Variants in CRACDL observed in about 807,000 individuals in gnomAD.
CRACDL encodes CRACD like, also known as CRACD-like protein.
CRACDL carries 26 observed loss-of-function variants against 70.6 expected under a neutral mutation model. That is an observed-to-expected ratio of 0.37 (90% CI 0.27 to 0.51). CRACDL has a LOEUF of 0.51. Ranked by LOEUF, CRACDL falls within the 20% of genes least tolerant of loss-of-function variation. The probability of loss-of-function intolerance (pLI) is 0.94; values close to 1 mark genes in which losing one functional copy is unlikely to be tolerated. For synonymous variants in CRACDL, 618 were observed against 615.2 expected (o/e 1.00, Z -0.07); for missense variants, 1,283 against 1,376.9 (o/e 0.93, Z 1.08).
chr2:98,906,610 G>A (rs901426804), intron 1 of CRACDL, among the ~76,000 whole-genome samples: 1 of 152,098 alleles, frequency 6.6e-6, no homozygotes, highest in Non-Finnish European at 1.5e-5. Flanking sequence ...TCTAGCTTGG[G>A]AATTACCATT....
At chr2:98,880,007 G>C (rs576568017) in intron 1 of CRACDL, among the ~76,000 whole-genome samples, 1 of 152,386 alleles carries the variant, frequency 6.6e-6, no homozygotes, top group South Asian at 2.1e-4. Flanking sequence ...CAGTTAGACT[G>C]TAAAGTGCGT....
At chr2:98,906,299 G>A (rs1174189327) in intron 1 of CRACDL, among the ~76,000 whole-genome samples, 4 of 136,870 alleles carry the variant, frequency 2.9e-5, no homozygotes, top group Non-Finnish European at 4.6e-5. Context: ...GTTTCGCTCT[G>A]TCATCAGGCT....
At chr2:98,905,639 T>G (rs1313001017) in intron 1 of CRACDL, among the ~76,000 whole-genome samples, 1 of 151,558 alleles carries the variant, frequency 6.6e-6, no homozygotes, top group Non-Finnish European at 1.5e-5. Context: ...TTTTTTTTTT[T>G]TTTTTTTGAG....
chr2:98,923,333 T>G (rs1708846990), intron 1 of CRACDL, among the ~76,000 whole-genome samples: 1 of 152,046 alleles, frequency 6.6e-6, no homozygotes, highest in Non-Finnish European at 1.5e-5. Context: ...TTAGGCTATA[T>G]TCTGCTAATT....
chr2:98,895,842 G>A (rs1406656077), intron 1 of CRACDL, among the ~76,000 whole-genome samples: 1 of 152,122 alleles, frequency 6.6e-6, no homozygotes, highest in Non-Finnish European at 1.5e-5. Flanking sequence ...GCTCTGAGAG[G>A]TGATTAGGTC....
At chr2:98,922,028 T>C (rs1286476447) in intron 1 of CRACDL, among the ~76,000 whole-genome samples, 1 of 152,262 alleles carries the variant, frequency 6.6e-6, no homozygotes, top group Non-Finnish European at 1.5e-5. Flanking sequence ...ATTAATAGTA[T>C]ATATTAAAAC....
chr2:98,818,031 C>A (rs1704860860), intron 7 of CRACDL, among the ~76,000 whole-genome samples: 1 of 152,146 alleles, frequency 6.6e-6, no homozygotes, highest in Non-Finnish European at 1.5e-5. Context: ...TTCTCTAACT[C>A]CTTTGTTCTC....
intron 7 of CRACDL, among the ~76,000 whole-genome samples, chr2:98,802,989 C>T (rs1052491752): frequency 1.3e-5 from 2 of 149,294 alleles, no homozygotes; most frequent in Admixed American, 6.6e-5. Context: ...GTGTGAGCCA[C>T]ATGCCTGGCT....
In CRACDL at chr2:98,814,920, A is replaced by T. The variant is rs1057044823; in HGVS notation, c.2416+6937T>A. Reference sequence around the variant, plus strand: ...TTGATTCACCAATATTACTGAAATTATCATTATATAATGTTCCATTTTATC... The same window carrying T: ...TTGATTCACCAATATTACTGAAATTTTCATTATATAATGTTCCATTTTATC... On this transcript the variant is annotated intron_variant, in intron 7 of 9. Coordinates refer to ENST00000397899, the MANE Select transcript of CRACDL (RefSeq NM_207362.3). Among the ~76,000 whole-genome samples the T allele has an allele frequency of 2.6e-5, 4 of 152,300 alleles. No individual in the cohort carries two copies. The South Asian group carries it at 8.3e-4, about 32-fold the overall frequency.
At chr2:98,821,422 C>A (rs1343254129) in intron 7 of CRACDL, among the ~76,000 whole-genome samples, 4 of 152,210 alleles carry the variant, frequency 2.6e-5, no homozygotes, top group Non-Finnish European at 5.9e-5. Context: ...GGCTTATCAG[C>A]AGGCCTTGGC....
At chr2:98,808,919 G>GGCTGCACCTGTGCAGGAACCAGAGC (rs1704436229) in intron 7 of CRACDL, among the ~76,000 whole-genome samples, 2 of 152,078 alleles carry the variant, frequency 1.3e-5, no homozygotes, top group Non-Finnish European at 2.9e-5. Flanking sequence ...CTGGGAGGTG[G>GGCTGCACCTGTGCAGGAACCAGAGC]GCTGCACCTG....
chr2:98,828,167 C>T (rs1705388122), intron 5 of CRACDL, among the ~76,000 whole-genome samples: 1 of 152,168 alleles, frequency 6.6e-6, no homozygotes, highest in Non-Finnish European at 1.5e-5. Context: ...CCAGCTCCAC[C>T]ACTGAGTGAG....
At chr2:98,908,892 G>T (rs1373388708) in intron 1 of CRACDL, among the ~76,000 whole-genome samples, 1 of 152,208 alleles carries the variant, frequency 6.6e-6, no homozygotes, top group African/African-American at 2.4e-5. Context: ...AGCCTAGCCA[G>T]AGTCCCTATA....
At chr2:98,926,436 T>C (rs114480515) in intron 1 of CRACDL, among the ~76,000 whole-genome samples, 5,757 of 152,186 alleles carry the variant, frequency 0.038, 366 homozygotes, top group African/African-American at 0.13. Flanking sequence ...GTGGGGAGCA[T>C]CAGGCCATTT....
chr2:98,896,885 C>T (rs1708140374), intron 1 of CRACDL, among the ~76,000 whole-genome samples: 1 of 152,158 alleles, frequency 6.6e-6, no homozygotes, highest in Non-Finnish European at 1.5e-5. Flanking sequence ...ACTAAGAACC[C>T]ATGACTGTAC....
chr2:98,837,016 C>T (rs1001767390), intron 3 of CRACDL, among the ~76,000 whole-genome samples: 4 of 150,624 alleles, frequency 2.7e-5, no homozygotes, highest in African/African-American at 7.3e-5. Context: ...ACCCGGGAGG[C>T]GCAGCTTGCA....
Position 98,822,953 on chromosome 2 carries a change from C to T in CRACDL, c.1320G>A (p.Glu440=), listed in dbSNP as rs769939366. Residue 440 remains glutamate (E), a synonymous_variant, in exon 7 of 10, where the codon GAG becomes GAA. Coordinates refer to ENST00000397899, the MANE Select transcript of CRACDL (RefSeq NM_207362.3). This position sits in a 1 kb window ranked among gnomAD's most constrained non-coding sequence, Gnocchi z 4.9. Reference sequence around the variant, plus strand: ...CATCCGGGAGCACGGGCGGCGTCGGCTCCGCTTCCTTCGGGACACTGCGTT... The same window carrying T: ...CATCCGGGAGCACGGGCGGCGTCGGTTCCGCTTCCTTCGGGACACTGCGTT... ...GPERSVPKEA[E]PTPPVLPDEE... The T allele has an allele frequency of 1.4e-5, 21 of 1,464,466 alleles. No individual in the cohort carries two copies. The South Asian group carries it at 2.2e-4, about 15-fold the overall frequency. The allele number at this position is 1,464,466 out of a possible 1,614,324, so 90.7% of individuals were successfully genotyped here.
chr2:98,823,352 G>A lies in CRACDL; in HGVS notation c.921C>T (p.Ala307=). ...APLPPPGGAR[A]RRARLQHSSA... is the part of the protein sequence containing the mutation. The stretch of plus-strand genomic sequence containing the variant: ...AGGAGTGCTGCAGGCGGGCGCGTCT[G>A]GCACGGGCCCCTCCGGGTGGCGGCA... Residue 307 remains alanine (A), a synonymous_variant, in exon 7 of 10, where the codon GCC becomes GCT. Coordinates refer to ENST00000397899, the MANE Select transcript of CRACDL (RefSeq NM_207362.3). This position sits in a 1 kb window ranked among gnomAD's most constrained non-coding sequence, Gnocchi z 4.0. 1 of 1,516,318 alleles carries A rather than the reference G, an allele frequency of 6.6e-7. No individual in the cohort carries two copies. Among genetic ancestry groups the A allele is most frequent in the Non-Finnish European group, 8.8e-7 (1 of 1,139,964 alleles). The allele number at this position is 1,516,318 out of a possible 1,614,324, so 93.9% of individuals were successfully genotyped here. A position where few individuals can be genotyped will look rare whatever the true frequency, so the allele number is the denominator to read the frequency against.
At chr2:98,904,922 T>A (rs4850889) in intron 1 of CRACDL, among the ~76,000 whole-genome samples, 77,759 of 151,878 alleles carry the variant, frequency 0.51, 21,557 homozygotes, top group African/African-American at 0.72. Flanking sequence ...TCTTCCCCAT[T>A]GTAATGAGTT....
Sources: allele counts gnomAD v4.1 joint callset (sites outside exome capture counted in the v4.1 genomes callset), GRCh38; gene constraint gnomAD v4.1.1; non-coding constraint Gnocchi (gnomAD v3.1); transcripts MANE v1.5; gene names NCBI Gene and HGNC (gene_info 2026-07-23, HGNC 2026-07-21).